STXBP5L: variants seen among roughly 807,000 people sequenced by gnomAD.
STXBP5L encodes syntaxin-binding protein 5-like.
STXBP5L carries 65 observed loss-of-function variants against 144.5 expected under a neutral mutation model. The ratio of observed to expected loss-of-function variants is 0.45; its 90% confidence interval spans 0.37 to 0.55. The LOEUF is 0.55. STXBP5L is among the 20% of genes least tolerant of loss of function. The pLI is 0.00. For synonymous variants in STXBP5L, 505 were observed against 469.6 expected (o/e 1.08, Z -0.97); for missense variants, 1,298 against 1,405.5 (o/e 0.92, Z 1.22).
chr3:121,193,527 G>A (rs143115575), intron 9 of STXBP5L, among the ~76,000 whole-genome samples: 53 of 152,300 alleles, frequency 3.5e-4, no homozygotes, highest in African/African-American at 1.2e-3. Context: ...GTACATGTAT[G>A]TTTATTGTGG....
chr3:121,164,998 T>C (rs1458893109), intron 9 of STXBP5L, among the ~76,000 whole-genome samples: 1 of 152,034 alleles, frequency 6.6e-6, no homozygotes, highest in Non-Finnish European at 1.5e-5. Flanking sequence ...AAAATTGTAT[T>C]TGAGATTTCT....
rs527518512 is a variant in STXBP5L at position 121,059,587 on chromosome 3, C to T, written c.470+14052C>T. Among the ~76,000 whole-genome samples, 221 of 152,090 alleles carry T rather than the reference C, an allele frequency of 1.5e-3. 1 individual carries two copies. The highest frequency in any genetic ancestry group is 5.0e-3 in the African/African-American group (207 of 41,530). ...GGTCAGTATGGCCATTTTCACCATA[C>T]TGATTCTTCCTATCCATGAGCATGG... On this transcript the variant is annotated intron_variant, in intron 5 of 26. Transcript: ENST00000471454.
At chr3:120,991,450 A>T (rs61798589) in intron 3 of STXBP5L, among the ~76,000 whole-genome samples, 35,707 of 150,328 alleles carry the variant, frequency 0.24, 3,257 homozygotes, top group African/African-American at 0.26. Context: ...AGAACTAGAA[A>T]TACCATTTGA....
intron 20 of STXBP5L, chr3:121,324,656 C>G: frequency 3.3e-6 from 2 of 613,636 alleles, no homozygotes; most frequent in Non-Finnish European, 5.8e-6. Flanking sequence ...GGCTTCACAA[C>G]TTGTCTCAAA....
chr3:121,225,940 A>G (rs1369092171), intron 11 of STXBP5L, among the ~76,000 whole-genome samples: 2 of 152,214 alleles, frequency 1.3e-5, no homozygotes, highest in African/African-American at 4.8e-5. Context: ...TGCCATGGCT[A>G]TGGCCTGTTG....
chr3:121,095,218 AT>A (rs1316516585), intron 5 of STXBP5L, among the ~76,000 whole-genome samples: 2 of 151,826 alleles, frequency 1.3e-5, no homozygotes, highest in Non-Finnish European at 1.5e-5. Context: ...CTGCCTTAAC[AT>A]TTTTTCCTTC....
intron 8 of STXBP5L, 27 bp from the exon 9 acceptor site, chr3:121,157,477 T>C (rs758041209): frequency 6.5e-6 from 10 of 1,549,522 alleles, no homozygotes; most frequent in Non-Finnish European, 8.6e-6. Flanking sequence ...TTTCCCCCTC[T>C]ACTTGTTTTA....
intron 3 of STXBP5L, among the ~76,000 whole-genome samples, chr3:121,005,461 G>T (rs1363027127): frequency 6.6e-6 from 1 of 152,034 alleles, no homozygotes; most frequent in Non-Finnish European, 1.5e-5. Context: ...TATTAGTCAT[G>T]CTAGCGGTCT....
At chr3:121,403,447 A>G (rs1346580271) in intron 22 of STXBP5L, among the ~76,000 whole-genome samples, 1 of 152,162 alleles carries the variant, frequency 6.6e-6, no homozygotes, top group Non-Finnish European at 1.5e-5. Flanking sequence ...AAGAAAGTCA[A>G]TCCAGCAATT....
chr3:121,139,141 A>G (rs888504096), intron 7 of STXBP5L, among the ~76,000 whole-genome samples: 1 of 152,008 alleles, frequency 6.6e-6, no homozygotes, highest in Non-Finnish European at 1.5e-5. Flanking sequence ...TTACATCTAT[A>G]TGGAAAGAAT....
At chr3:121,380,527 G>C (rs2108681464) in intron 21 of STXBP5L, among the ~76,000 whole-genome samples, 1 of 152,176 alleles carries the variant, frequency 6.6e-6, no homozygotes, top group East Asian at 1.9e-4. Flanking sequence ...TGAGCTGTAT[G>C]AGTTTATGCT....
chr3:120,930,487 AT>A (rs1232762521), intron 2 of STXBP5L, among the ~76,000 whole-genome samples: 1 of 151,962 alleles, frequency 6.6e-6, no homozygotes, highest in African/African-American at 2.4e-5. Context: ...GGCGCTTTAT[AT>A]TTTTTACTTG....
chr3:121,349,344 C>A (rs144448990), intron 20 of STXBP5L, among the ~76,000 whole-genome samples: 2,233 of 151,932 alleles, frequency 0.015, 64 homozygotes, highest in African/African-American at 0.051. Context: ...AATTTCTGTT[C>A]TTTTACATTT....
chr3:121,094,169 G>T (rs2042985637), intron 5 of STXBP5L, among the ~76,000 whole-genome samples: 1 of 152,104 alleles, frequency 6.6e-6, no homozygotes. Context: ...TTTTACATTT[G>T]CTGAGGAGAG....
chr3:121,171,244 G>A (rs573345864), intron 9 of STXBP5L, among the ~76,000 whole-genome samples: 4 of 152,062 alleles, frequency 2.6e-5, no homozygotes, highest in Non-Finnish European at 4.4e-5. Context: ...CAAACCCACA[G>A]CCAATATACT....
intron 10 of STXBP5L, among the ~76,000 whole-genome samples, chr3:121,219,293 C>G (rs1049488532): frequency 2.0e-5 from 3 of 152,104 alleles, no homozygotes; most frequent in Admixed American, 6.6e-5. Context: ...TATATCCCTG[C>G]TCCAACTATT....
At chr3:120,979,556 G>T (rs1229912774) in intron 3 of STXBP5L, among the ~76,000 whole-genome samples, 1 of 152,072 alleles carries the variant, frequency 6.6e-6, no homozygotes, top group African/African-American at 2.4e-5. Context: ...TGCACCCACT[G>T]TCCTGCACCC....
intron 5 of STXBP5L, among the ~76,000 whole-genome samples, chr3:121,067,061 C>T (rs2041584009): frequency 6.6e-6 from 1 of 151,662 alleles, no homozygotes; most frequent in Non-Finnish European, 1.5e-5. Flanking sequence ...TTTGAGTTAT[C>T]TTTTTTAAAA....
chr3:121,022,954 G>T (rs1348720218), intron 3 of STXBP5L, among the ~76,000 whole-genome samples: 1 of 151,984 alleles, frequency 6.6e-6, no homozygotes, highest in Non-Finnish European at 1.5e-5. Flanking sequence ...CTGGTAAAGA[G>T]GAAGTCAAAC....
Sources: gnomAD v4.1 joint callset for allele counts (sites outside exome capture counted in the v4.1 genomes callset) on GRCh38, gnomAD v4.1.1 for gene constraint, MANE v1.5 for transcripts, NCBI Gene and HGNC (gene_info 2026-07-23, HGNC 2026-07-21) for gene names.